HNF4A: variants seen among roughly 807,000 people sequenced by gnomAD.
The protein encoded by HNF4A is hepatocyte nuclear factor 4-alpha.
Under a neutral mutation model 52.4 loss-of-function variants are expected in HNF4A, and 15 were observed. The ratio of observed to expected loss-of-function variants is 0.29; its 90% CI spans 0.19 to 0.44. HNF4A has a LOEUF of 0.44. Among genes scored for constraint, HNF4A ranks in the 20% least tolerant of loss-of-function variants. HNF4A has a pLI of 1.00. For missense variants in HNF4A, 479 were observed against 647.2 expected (o/e 0.74, Z 2.82); for synonymous variants, 280 against 264.4 (o/e 1.06, Z -0.57).
chr20:44,425,170 G>A (rs1315913120), intron 8 of HNF4A, among the ~76,000 whole-genome samples: 1 of 152,174 alleles, frequency 6.6e-6, no homozygotes, highest in Non-Finnish European at 1.5e-5. Context: ...TTTTAGTAAA[G>A]ACAGGGTTTC....
intron 1 of HNF4A, among the ~76,000 whole-genome samples, chr20:44,358,466 C>A (rs1006861549): frequency 2.4e-4 from 37 of 151,834 alleles, no homozygotes; most frequent in Admixed American, 1.2e-3. Context: ...AAAAACTAGC[C>A]GGGTATGATG....
chr20:44,371,982 C>T (rs140714142), intron 1 of HNF4A, among the ~76,000 whole-genome samples: 16 of 152,252 alleles, frequency 1.1e-4, no homozygotes, highest in South Asian at 8.3e-4. Flanking sequence ...TGTCCCCATA[C>T]GGAAACTTAT....
intron 1 of HNF4A, among the ~76,000 whole-genome samples, chr20:44,403,042 G>A (rs536252083): frequency 3.3e-5 from 5 of 152,320 alleles, no homozygotes; most frequent in African/African-American, 9.6e-5. Context: ...CGCCAGGAGC[G>A]CAAGGCAAAA....
intron 5 of HNF4A, among the ~76,000 whole-genome samples, chr20:44,417,020 A>G (rs1209261576): frequency 6.6e-6 from 1 of 152,078 alleles, no homozygotes; most frequent in Non-Finnish European, 1.5e-5. Context: ...TATAAATGTT[A>G]GTTCGATGAG....
chr20:44,420,018 A>G (rs2063722299), intron 7 of HNF4A, 142 bp downstream of exon 7: 7 of 871,764 alleles, frequency 8.0e-6, no homozygotes, highest in Admixed American at 1.8e-5. Context: ...CATTTAACAG[A>G]TGAGGCAAGT....
At chr20:44,377,560 C>T (rs1264682275) in intron 1 of HNF4A, among the ~76,000 whole-genome samples, 5 of 151,688 alleles carry the variant, frequency 3.3e-5, no homozygotes, top group African/African-American at 4.8e-5. Context: ...ATCAGGAGTT[C>T]GAGACAAGCC....
rs141463168 is a variant in HNF4A, at chr20:44,365,729, G to A, written c.49+9876G>A. Among the ~76,000 whole-genome samples the A allele has an allele frequency of 7.1e-3, 1,077 of 152,190 alleles. 20 individuals carry two copies. Among genetic ancestry groups the A allele is most frequent in the African/African-American group, 0.025 (1,034 of 41,520 alleles). ...GTTATAACTAAAGTAAGATTTGGCC[G>A]GACGCCGTGGCTCATGCCTGTAATC... On this transcript the variant is annotated intron_variant, in intron 1 of 9. Coordinates refer to the HNF4A transcript ENST00000316673.
chr20:44,370,279 G>A (rs1008251292), intron 1 of HNF4A, among the ~76,000 whole-genome samples: 1 of 151,964 alleles, frequency 6.6e-6, no homozygotes, highest in Non-Finnish European at 1.5e-5. Context: ...TGCCCGCCTC[G>A]GCCTCCCGAA....
At chr20:44,361,719 A>C (rs538644737) in intron 1 of HNF4A, among the ~76,000 whole-genome samples, 577 of 152,050 alleles carry the variant, frequency 3.8e-3, no homozygotes, top group Non-Finnish European at 5.5e-3. Flanking sequence ...AAAAACAACA[A>C]AAAAAACAAC....
chr20:44,423,401 A>G (rs1454981320), intron 7 of HNF4A, among the ~76,000 whole-genome samples: 2 of 152,172 alleles, frequency 1.3e-5, no homozygotes, highest in African/African-American at 4.8e-5. Flanking sequence ...CAACAATTAC[A>G]TCCTGTGTGG....
intron 1 of HNF4A, among the ~76,000 whole-genome samples, chr20:44,365,789 T>C (rs2062964342): frequency 6.6e-6 from 1 of 152,122 alleles, no homozygotes; most frequent in African/African-American, 2.4e-5. Flanking sequence ...GGTGAATCAC[T>C]TGACCCCAGG....
intron 1 of HNF4A, among the ~76,000 whole-genome samples, chr20:44,368,141 C>CATATAT (rs756822197): frequency 0.029 from 368 of 12,860 alleles, 28 homozygotes; most frequent in Non-Finnish European, 0.032. Flanking sequence ...TGTGTATATA[C>CATATAT]ATATATATAT....
Position 44,424,273 on chromosome 20 carries a change from AG to A in HNF4A, c.1129+23del. 1 of 1,613,070 alleles carries A rather than the reference AG, an allele frequency of 6.2e-7. No individual in the cohort carries two copies. The highest frequency in any genetic ancestry group is 8.5e-7 in the Non-Finnish European group (1 of 1,179,678). On this transcript the variant is annotated intron_variant, in intron 8 of 9. Transcript: ENST00000316099. ...CTGGGAGGTCCGTGCCAAGCCCAGGAGGGGCGGGGTTGGAGTGGGGACTCCC... is the reference window on the plus strand; with the variant it reads ...CTGGGAGGTCCGTGCCAAGCCCAGGAGGGCGGGGTTGGAGTGGGGACTCCC...
At chr20:44,405,003 G>GC (rs2063476175) in intron 1 of HNF4A, among the ~76,000 whole-genome samples, 1 of 14,612 alleles carries the variant, frequency 6.8e-5, no homozygotes, top group Non-Finnish European at 1.5e-4. Context: ...GCTTGTGTGT[G>GC]GTGTGTGCGT....
rs568398826 is a variant in HNF4A, at chr20:44,386,496, A to T, written c.50-19562A>T. Among the ~76,000 whole-genome samples the T allele has an allele frequency of 7.5e-3, 1,143 of 152,278 alleles. 6 individuals carry two copies. The highest frequency in any genetic ancestry group is 0.013 in the Non-Finnish European group (886 of 68,006). On this transcript the variant is annotated intron_variant, in intron 1 of 9. Transcript: ENST00000316673. ...TCTGAATTTTTAATAATGGCCCCAGATGATTCTTATGGACACCAAGATTTG... is the reference window on the plus strand; with the variant it reads ...TCTGAATTTTTAATAATGGCCCCAGTTGATTCTTATGGACACCAAGATTTG...
chr20:44,434,520 G>GC (rs1207687392), downstream of HNF4A: 3 of 119,800 alleles, frequency 2.5e-5, no homozygotes, highest in African/African-American at 1.1e-4. Context: ...GACAAGCGCG[G>GC]GGGGGGGGGG....
chr20:44,383,922 C>T (rs534155717), intron 1 of HNF4A, among the ~76,000 whole-genome samples: 1 of 152,082 alleles, frequency 6.6e-6, no homozygotes, highest in South Asian at 2.1e-4. Flanking sequence ...GCGATCTCGG[C>T]TCACTGCAAC....
Position 44,418,419 on chromosome 20 carries a change from T to A in HNF4A, c.649-6T>A. ...GATGGCAAACACTGTTCCTTCTCTC[T>A]TTCAGGTGGCCCTGCTCAGAGCCCA... On this transcript the variant is annotated splice_polypyrimidine_tract_variant and splice_region_variant and intron_variant, in intron 5 of 9. Transcript: ENST00000316099. 1 of 1,613,316 alleles carries A rather than the reference T, an allele frequency of 6.2e-7. No individual in the cohort carries two copies. The highest frequency in any genetic ancestry group is 8.5e-7 in the Non-Finnish European group (1 of 1,179,258).
intron 1 of HNF4A, chr20:44,390,533 G>T: frequency 1.5e-6 from 1 of 686,846 alleles, no homozygotes; most frequent in Non-Finnish European, 2.6e-6. Context: ...GATTAACTCT[G>T]CCCAGCGGCC....
Sources: allele counts gnomAD v4.1 joint callset (sites outside exome capture counted in the v4.1 genomes callset), GRCh38; gene constraint gnomAD v4.1.1; transcripts MANE v1.5; gene names NCBI Gene and HGNC (gene_info 2026-07-23, HGNC 2026-07-21).